MYO3B: variants seen among roughly 807,000 people sequenced by gnomAD.
MYO3B encodes the protein myosin-IIIb.
In MYO3B, 156 loss-of-function variants were observed where a neutral mutation model predicts 174.6. The observed-to-expected ratio is 0.89, with a 90% CI of 0.78 to 1.02. The LOEUF is 1.02. MYO3B is among the 50% of genes least tolerant of loss of function. The pLI, the probability that MYO3B is intolerant of heterozygous loss-of-function variation, is 0.00. For missense variants in MYO3B, 1,632 were observed against 1,639.4 expected (o/e 1.00, Z 0.08); for synonymous variants, 563 against 569.1 (o/e 0.99, Z 0.15).
At chr2:170,239,818 C>T (rs756285163) in intron 7 of MYO3B, among the ~76,000 whole-genome samples, 7 of 152,186 alleles carry the variant, frequency 4.6e-5, no homozygotes, top group Non-Finnish European at 8.8e-5. Context: ...GCTGCTACAG[C>T]GAATGACCAC....
At chr2:170,189,139 T>C (rs1376769454) in intron 1 of MYO3B, among the ~76,000 whole-genome samples, 1 of 152,202 alleles carries the variant, frequency 6.6e-6, no homozygotes, top group Non-Finnish European at 1.5e-5. Flanking sequence ...GGATAAAAGT[T>C]TTTTTCCTTC....
Position 170,205,347 on chromosome 2 carries a change from CAG to C in MYO3B, c.321+5064_321+5065del, listed in dbSNP as rs2092703063. On this transcript the variant is annotated intron_variant, in intron 3 of 34. Transcript: ENST00000408978. ...AGGGAGAGAGACCAAAATGAGGTGT[CAG>C]GGGAAAATTCCAGGGTTGCATTTTC... 3.3e-5 allele frequency among the ~76,000 whole-genome samples: 5 copies of C among 152,076 alleles called. No individual in the cohort carries two copies. The South Asian group carries it at 1.0e-3, about 32-fold the overall frequency.
intron 25 of MYO3B, among the ~76,000 whole-genome samples, chr2:170,481,802 C>A (rs922694559): frequency 6.6e-6 from 1 of 152,112 alleles, no homozygotes; most frequent in Non-Finnish European, 1.5e-5. Context: ...TGCATACTAT[C>A]GTTTCCATCA....
At chr2:170,562,109 T>A (rs1193863718) in intron 32 of MYO3B, among the ~76,000 whole-genome samples, 1 of 152,220 alleles carries the variant, frequency 6.6e-6, no homozygotes, top group African/African-American at 2.4e-5. Context: ...ATTAGTGGAA[T>A]TCTAAAGTTA....
chr2:170,414,034 C>A lies in MYO3B; in HGVS notation c.2650+6190C>A, dbSNP rs528710170. Among the ~76,000 whole-genome samples, 118 of 151,988 alleles carry A rather than the reference C, an allele frequency of 7.8e-4. 1 individual carries two copies. The South Asian group carries it at 0.024, about 31-fold the overall frequency. On this transcript the variant is annotated intron_variant, in intron 22 of 34. Transcript: ENST00000408978. The stretch of plus-strand genomic sequence containing the variant: ...AAGCCTGGGTGACAGAGCGAGACTC[C>A]ATCTCAAAAAAATAAATAAATAAAA...
chr2:170,466,590 G>A lies in MYO3B; in HGVS notation c.2893G>A (p.Ala965Thr), dbSNP rs774437242. 9 of 1,614,078 alleles carry A rather than the reference G, an allele frequency of 5.6e-6. No homozygotes were observed. The South Asian group carries it at 6.6e-5, about 12-fold the overall frequency. ...CATTAAACCCAATGATGACCGAGAG[G>A]CCCTGCAGTTCTCTCGAGAGAGGGT... ...RCIKPNDDREALQFSRERVLA... is the reference protein window; with the variant it reads ...RCIKPNDDRETLQFSRERVLA... Residue 965 changes from alanine to threonine, a missense_variant, in exon 25 of 35, where the codon GCC becomes ACC. By Grantham distance (58) the Ala-to-Thr change is moderately conservative. Coordinates refer to ENST00000408978, the MANE Select transcript of MYO3B (RefSeq NM_138995.5).
intron 32 of MYO3B, among the ~76,000 whole-genome samples, chr2:170,580,686 G>A (rs1483743652): frequency 6.7e-6 from 1 of 149,330 alleles, no homozygotes; most frequent in African/African-American, 2.5e-5. Flanking sequence ...TCCTCAAATT[G>A]TATAAGCTTC....
intron 8 of MYO3B, among the ~76,000 whole-genome samples, chr2:170,337,255 A>G (rs578041223): frequency 6.6e-6 from 1 of 152,240 alleles, no homozygotes; most frequent in South Asian, 2.1e-4. Flanking sequence ...CACCCCAAGG[A>G]AACAAATCTG....
intron 23 of MYO3B, among the ~76,000 whole-genome samples, chr2:170,458,329 C>G (rs1050959802): frequency 2.6e-4 from 39 of 152,136 alleles, no homozygotes; most frequent in Admixed American, 2.4e-3. Flanking sequence ...CTGAAATGTC[C>G]TACTTCTATG....
At chr2:170,620,009 G>C (rs1695777249) in intron 32 of MYO3B, among the ~76,000 whole-genome samples, 1 of 151,966 alleles carries the variant, frequency 6.6e-6, no homozygotes. Flanking sequence ...TAAGCCCAAA[G>C]AGAGGTAATT....
At position 170,577,366 on chromosome 2, in the gene MYO3B, A is replaced by G. The variant is rs193134346; in HGVS notation, c.3733+33378A>G. Among the ~76,000 whole-genome samples the G allele has an allele frequency of 1.2e-3, 187 of 152,290 alleles. 1 individual carries two copies. The highest frequency in any genetic ancestry group is 2.0e-3 in the Non-Finnish European group (137 of 68,014). On this transcript the variant is annotated intron_variant, in intron 32 of 34. Coordinates refer to ENST00000408978, the MANE Select transcript of MYO3B (RefSeq NM_138995.5). ...CATGTTCACATATCCAGTGGGCCTT[A>G]TTATACATCTGTTACCTGGCAGGCA...
intron 7 of MYO3B, among the ~76,000 whole-genome samples, chr2:170,247,909 G>C (rs1403213376): frequency 1.3e-5 from 2 of 152,314 alleles, no homozygotes; most frequent in East Asian, 1.9e-4. Flanking sequence ...ATAGCACAAA[G>C]AATGGTGAGG....
rs192544607 is a variant in MYO3B at position 170,406,056 on chromosome 2, A to G, written c.2520+423A>G. Reference sequence around the variant, plus strand: ...TATGTCTAAGGGCCCCAAAATGTCCAGATGAAAAGAAAAAAAAATTCACAT... The same window carrying G: ...TATGTCTAAGGGCCCCAAAATGTCCGGATGAAAAGAAAAAAAAATTCACAT... On this transcript the variant is annotated intron_variant, in intron 21 of 34. Transcript: ENST00000408978. 3.9e-3 allele frequency among the ~76,000 whole-genome samples: 600 copies of G among 152,348 alleles called. 6 individuals are homozygous for G. Among genetic ancestry groups the G allele is most frequent in the African/African-American group, 0.013 (557 of 41,584 alleles).
intron 8 of MYO3B, among the ~76,000 whole-genome samples, chr2:170,357,238 C>T (rs1329329106): frequency 2.6e-5 from 4 of 151,150 alleles, no homozygotes; most frequent in South Asian, 2.1e-4. Flanking sequence ...ACCTGGGAGG[C>T]GGAGGTTGCA....
intron 22 of MYO3B, among the ~76,000 whole-genome samples, chr2:170,417,277 A>G (rs1046505344): frequency 6.6e-6 from 1 of 152,076 alleles, no homozygotes; most frequent in African/African-American, 2.4e-5. Flanking sequence ...ACATACATCT[A>G]TCTCTATCCC....
At chr2:170,632,380 T>A (rs1697070799) in intron 32 of MYO3B, among the ~76,000 whole-genome samples, 1 of 152,092 alleles carries the variant, frequency 6.6e-6, no homozygotes, top group Non-Finnish European at 1.5e-5. Context: ...GAATGACTAC[T>A]GGGTACATAA....
chr2:170,625,008 G>T (rs569376257), intron 32 of MYO3B, among the ~76,000 whole-genome samples: 1 of 152,328 alleles, frequency 6.6e-6, no homozygotes, highest in African/African-American at 2.4e-5. Context: ...GTTCATCAGG[G>T]ATATTGGTCT....
chr2:170,192,762 T>C (rs1009703821), intron 1 of MYO3B, among the ~76,000 whole-genome samples: 5 of 151,696 alleles, frequency 3.3e-5, no homozygotes, highest in Admixed American at 2.6e-4. Context: ...TTTATTTTTA[T>C]ATACTCTGTA....
intron 8 of MYO3B, chr2:170,340,811 C>T (rs1455912740): frequency 6.6e-6 from 1 of 152,092 alleles, no homozygotes; most frequent in African/African-American, 2.4e-5. Context: ...GTCAGAGGGA[C>T]CTTTCTGTTT....
Sources: allele counts gnomAD v4.1 joint callset (sites outside exome capture counted in the v4.1 genomes callset), GRCh38; gene constraint gnomAD v4.1.1; transcripts MANE v1.5; gene names NCBI Gene and HGNC (gene_info 2026-07-23, HGNC 2026-07-21).